ROBO2: variants seen among roughly 807,000 people sequenced by gnomAD.
The protein encoded by ROBO2 is roundabout guidance receptor 2.
A neutral mutation model predicts 160.8 loss-of-function variants in ROBO2; 53 were observed. The observed-to-expected ratio is 0.33, with a 90% CI of 0.26 to 0.41. The LOEUF (loss-of-function observed/expected upper bound fraction) is 0.41. Ranked by LOEUF, ROBO2 falls within the 10% of genes least tolerant of loss-of-function variation. ROBO2 has a pLI of 1.00. For missense variants in ROBO2, 1,577 were observed against 1,722.4 expected (o/e 0.92, Z 1.49); for synonymous variants, 664 against 611.7 (o/e 1.09, Z -1.26).
rs2068153652 is a variant in ROBO2, at chr3:77,077,676, G to T, written c.62-20338G>T. On this transcript the variant is annotated intron_variant, in intron 1 of 25. Transcript: ENST00000461745. The stretch of plus-strand genomic sequence containing the variant: ...TGTAGTCTTGTCCAGATTTTCAAGG[G>T]TTTTGTTTTTCAGAGTAGCATGCAG... Among the ~76,000 whole-genome samples, 9 of 152,144 alleles carry T rather than the reference G, an allele frequency of 5.9e-5. No individual in the cohort carries two copies. The South Asian group carries it at 1.9e-3, about 31-fold the overall frequency.
At chr3:77,318,079 G>A (rs1469689733) in intron 2 of ROBO2, among the ~76,000 whole-genome samples, 1 of 151,634 alleles carries the variant, frequency 6.6e-6, no homozygotes, top group Non-Finnish European at 1.5e-5. Context: ...ACAGGGTCTT[G>A]CTCTGTCGCC....
chr3:76,859,045 A>G (rs1258308742), intron 2 of ROBO2, among the ~76,000 whole-genome samples: 1 of 152,200 alleles, frequency 6.6e-6, no homozygotes, highest in African/African-American at 2.4e-5. Flanking sequence ...GTACTTAAAT[A>G]TAAGAGTCCA....
At chr3:76,088,041 A>G (rs2069088510) in intron 2 of ROBO2, among the ~76,000 whole-genome samples, 1 of 152,138 alleles carries the variant, frequency 6.6e-6, no homozygotes, top group Non-Finnish European at 1.5e-5. Flanking sequence ...GAGATATACT[A>G]TGCTAACACT....
At chr3:77,258,697 C>T (rs1435177772) in intron 2 of ROBO2, among the ~76,000 whole-genome samples, 1 of 151,836 alleles carries the variant, frequency 6.6e-6, no homozygotes, top group African/African-American at 2.4e-5. Flanking sequence ...TTTGCTGATC[C>T]TCTTCTTTTA....
intron 2 of ROBO2, among the ~76,000 whole-genome samples, chr3:76,718,154 A>T (rs555558282): frequency 6.6e-6 from 1 of 152,330 alleles, no homozygotes; most frequent in Middle Eastern, 3.4e-3. Context: ...TAACAACTCT[A>T]TATGGAAACA....
chr3:77,469,658 T>C (rs1456744577), intron 2 of ROBO2, among the ~76,000 whole-genome samples: 1 of 152,230 alleles, frequency 6.6e-6, no homozygotes, highest in East Asian at 1.9e-4. Flanking sequence ...TCTGACCTTC[T>C]TGAACTGTCT....
At chr3:76,218,862 C>T (rs1703751913) in intron 2 of ROBO2, among the ~76,000 whole-genome samples, 1 of 152,122 alleles carries the variant, frequency 6.6e-6, no homozygotes, top group African/African-American at 2.4e-5. Flanking sequence ...CAAGTCAATC[C>T]TAAGCCAAAA....
chr3:76,564,154 C>T (rs752671658), intron 2 of ROBO2, among the ~76,000 whole-genome samples: 18 of 152,294 alleles, frequency 1.2e-4, no homozygotes, highest in Non-Finnish European at 2.2e-4. Context: ...TGCAGTAAGC[C>T]GAGATAGTGC....
At chr3:77,030,767 G>A (rs747525510) in intron 2 of ROBO2, among the ~76,000 whole-genome samples, 3 of 152,084 alleles carry the variant, frequency 2.0e-5, no homozygotes, top group Non-Finnish European at 2.9e-5. Context: ...ATAAGGACAC[G>A]AATCACTGGA....
At chr3:76,735,826 C>A (rs2093701764) in intron 2 of ROBO2, among the ~76,000 whole-genome samples, 1 of 148,542 alleles carries the variant, frequency 6.7e-6, no homozygotes, top group Non-Finnish European at 1.5e-5. Flanking sequence ...CCCTATAGTA[C>A]CTTTGAGTAC....
At chr3:76,278,756 TA>T (rs1279321600) in intron 2 of ROBO2, among the ~76,000 whole-genome samples, 1 of 151,946 alleles carries the variant, frequency 6.6e-6, no homozygotes, top group Non-Finnish European at 1.5e-5. Flanking sequence ...CACATATCTT[TA>T]GGGGGAATAG....
intron 2 of ROBO2, among the ~76,000 whole-genome samples, chr3:76,916,772 A>G (rs528153072): frequency 6.6e-6 from 1 of 152,184 alleles, no homozygotes; most frequent in Non-Finnish European, 1.5e-5. Context: ...AAGAAAAGAA[A>G]AAGAACAAAT....
In ROBO2 at chr3:77,200,317, A is replaced by T. The variant is rs1295345532; in HGVS notation, c.388+101977A>T. 4.8e-3 allele frequency among the ~76,000 whole-genome samples: 330 copies of T among 69,270 alleles called. 15 individuals carry two copies. In the East Asian group the frequency reaches 0.12, roughly 24 times the overall value. The allele number at this position is 69,270 out of a possible 152,430, so 45.4% of individuals were successfully genotyped here. Reference sequence around the variant, plus strand: ...TATATATATATATATATATATATATATATATTTTAGTTTCTATAGGTAAAG... The same window carrying T: ...TATATATATATATATATATATATATTTATATTTTAGTTTCTATAGGTAAAG... On this transcript the variant is annotated intron_variant, in intron 2 of 25. Coordinates refer to ENST00000461745, the Ensembl canonical transcript of ROBO2.
intron 21 of ROBO2, among the ~76,000 whole-genome samples, chr3:77,616,669 A>C (rs937956083): frequency 6.6e-6 from 1 of 152,138 alleles, no homozygotes; most frequent in Non-Finnish European, 1.5e-5. Flanking sequence ...GTTTAAAAGG[A>C]TGTTATAATC....
chr3:76,141,813 T>A (rs1007067420), intron 2 of ROBO2, among the ~76,000 whole-genome samples: 1 of 151,988 alleles, frequency 6.6e-6, no homozygotes, highest in Non-Finnish European at 1.5e-5. Flanking sequence ...AAGAGGTCAA[T>A]GTTAATTATG....
upstream of ROBO2, among the ~76,000 whole-genome samples, chr3:77,035,821 C>T (rs1267796513): frequency 6.6e-6 from 1 of 151,880 alleles, no homozygotes; most frequent in African/African-American, 2.4e-5. Flanking sequence ...TTTAATGCTT[C>T]ACTTACTTTA....
chr3:77,596,721 C>A lies in ROBO2; in HGVS notation c.2825C>A (p.Pro942Gln), dbSNP rs2094312099. ...CCAGTAAATAATAGCAACAGTGGCC[C>A]AAATGAGATTGGAAATTTTGGCCGT... The change falls in exon 19 of 26, where the codon CCA (proline) becomes CAA (glutamine). Residue 942 changes from proline (P) to glutamine (Q), a missense_variant. Pro to Gln is a moderately conservative substitution (Grantham distance 76). Transcript: ENST00000461745. 18 of 1,613,596 alleles carry A rather than the reference C, an allele frequency of 1.1e-5. No homozygotes were observed. Among genetic ancestry groups the A allele is most frequent in the Non-Finnish European group, 1.4e-5 (17 of 1,179,856 alleles).
chr3:76,234,501 CA>C (rs1472078080), intron 2 of ROBO2, among the ~76,000 whole-genome samples: 2 of 152,164 alleles, frequency 1.3e-5, no homozygotes, highest in Admixed American at 1.3e-4. Context: ...TTTTCACCAG[CA>C]GCGTAAAAGT....
chr3:75,956,060 A>C (rs1285837008), intron 2 of ROBO2, among the ~76,000 whole-genome samples: 1 of 151,832 alleles, frequency 6.6e-6, no homozygotes, highest in African/African-American at 2.4e-5. Flanking sequence ...AGTGCTTTAC[A>C]TCACTGTTGG....
Sources: allele counts gnomAD v4.1 joint callset (sites outside exome capture counted in the v4.1 genomes callset), GRCh38; gene constraint gnomAD v4.1.1; transcripts MANE v1.5; gene names NCBI Gene and HGNC (gene_info 2026-07-23, HGNC 2026-07-21).